AKT3: variants seen among roughly 807,000 people sequenced by gnomAD.
AKT3 encodes RAC-gamma serine/threonine-protein kinase.
In AKT3, 15 loss-of-function variants were observed where a neutral mutation model predicts 65.3. That is an observed-to-expected ratio of 0.23 (90% CI 0.15 to 0.35). The LOEUF is 0.35. Among genes scored for constraint, AKT3 ranks in the 10% least tolerant of loss-of-function variants. The probability of loss-of-function intolerance (pLI) is 1.00; values close to 1 mark genes in which losing one functional copy is unlikely to be tolerated. For synonymous variants in AKT3, 206 were observed against 183.8 expected (o/e 1.12, Z -0.98); for missense variants, 243 against 576.5 (o/e 0.42, Z 5.92).
At chr1:243,730,447 G>A (rs1687483171) in intron 2 of AKT3, among the ~76,000 whole-genome samples, 2 of 152,194 alleles carry the variant, frequency 1.3e-5, no homozygotes, top group South Asian at 4.1e-4. Context: ...CACTTTCCTG[G>A]CCAACTCACC....
intron 4 of AKT3, among the ~76,000 whole-genome samples, chr1:243,654,429 A>C (rs1382828601): frequency 2.0e-5 from 3 of 152,146 alleles, no homozygotes; most frequent in Non-Finnish European, 4.4e-5. Context: ...TATTGTGTCC[A>C]AAGAATACTA....
At chr1:243,563,216 G>T (rs982517888) in intron 10 of AKT3, among the ~76,000 whole-genome samples, 5 of 151,980 alleles carry the variant, frequency 3.3e-5, no homozygotes, top group African/African-American at 1.2e-4. Flanking sequence ...AAATTATTGT[G>T]GAACCCTTAG....
At chr1:243,605,718 A>C in intron 8 of AKT3, among the ~76,000 whole-genome samples, 1 of 152,232 alleles carries the variant, frequency 6.6e-6, no homozygotes, top group East Asian at 1.9e-4. Context: ...CACTTTCATC[A>C]AAAATTTTTA....
chr1:243,804,599 C>A (rs1430040048), intron 2 of AKT3, among the ~76,000 whole-genome samples: 1 of 152,154 alleles, frequency 6.6e-6, no homozygotes, highest in African/African-American at 2.4e-5. Context: ...GTAATCCCAG[C>A]ACTTTGGGAG....
At chr1:243,570,244 T>C (rs1313259618) in intron 9 of AKT3, among the ~76,000 whole-genome samples, 1 of 152,240 alleles carries the variant, frequency 6.6e-6, no homozygotes, top group African/African-American at 2.4e-5. Flanking sequence ...ACTGTAGGCA[T>C]AGCAATTGGA....
intron 2 of AKT3, among the ~76,000 whole-genome samples, chr1:243,762,497 C>T (rs143569368): frequency 1.3e-5 from 2 of 152,124 alleles, no homozygotes; most frequent in African/African-American, 4.8e-5. Flanking sequence ...TGTGACAGAG[C>T]GCATCATGCT....
At chr1:243,554,375 T>C (rs1334948748) in intron 10 of AKT3, among the ~76,000 whole-genome samples, 1 of 152,158 alleles carries the variant, frequency 6.6e-6, no homozygotes, top group Non-Finnish European at 1.5e-5. Context: ...CTAGAAATGT[T>C]TTGTAAATCA....
intron 4 of AKT3, among the ~76,000 whole-genome samples, chr1:243,655,112 AT>A (rs1681664633): frequency 6.6e-6 from 1 of 151,862 alleles, no homozygotes; most frequent in South Asian, 2.1e-4. Context: ...ATTCTTAATT[AT>A]TTTTATTTTC....
At chr1:243,535,626 G>C (rs1044601778) in intron 12 of AKT3, among the ~76,000 whole-genome samples, 3 of 152,098 alleles carry the variant, frequency 2.0e-5, no homozygotes, top group African/African-American at 7.2e-5. Context: ...CCACTCATTG[G>C]CTGATGAGGA....
In AKT3 at chr1:243,502,098, G is replaced by A; in HGVS notation, c.*3151C>T. The A allele has an allele frequency of 4.3e-6, 1 of 232,342 alleles. No homozygotes were observed. Among genetic ancestry groups the A allele is most frequent in the African/African-American group, 2.2e-5 (1 of 45,398 alleles). 14.4% of individuals were successfully genotyped at this position (232,342 alleles called of 1,614,324 possible). On this transcript the variant is annotated 3_prime_UTR_variant, in exon 14 of 14. Transcript: ENST00000673466. ...GGGAGGTAATTCAATTACCAATTTA[G>A]AGGTTTTCTTTTTATTTAAATAAAT...
intron 2 of AKT3, among the ~76,000 whole-genome samples, chr1:243,810,888 A>C (rs1572390249): frequency 6.6e-6 from 1 of 152,338 alleles, no homozygotes; most frequent in Non-Finnish European, 1.5e-5. Context: ...CAAATCAATA[A>C]AGTAATCCAG....
At chr1:243,796,791 ATT>A (rs1692043855) in intron 2 of AKT3, among the ~76,000 whole-genome samples, 1 of 152,164 alleles carries the variant, frequency 6.6e-6, no homozygotes, top group East Asian at 1.9e-4. Flanking sequence ...ATGGAGTGTT[ATT>A]TAGCCTTAAG....
chr1:243,781,935 AC>A (rs1278359607), intron 2 of AKT3, among the ~76,000 whole-genome samples: 1 of 152,076 alleles, frequency 6.6e-6, no homozygotes, highest in African/African-American at 2.4e-5. Context: ...CAATCCTCCT[AC>A]CTCAGCCTTC....
chr1:243,695,520 TA>T, intron 3 of AKT3, 70 bp downstream of exon 3: 1 of 1,409,110 alleles, frequency 7.1e-7, no homozygotes, highest in Non-Finnish European at 9.5e-7. Flanking sequence ...TCATATAGCC[TA>T]AGATATCTGA....
chr1:243,495,968 CAT>C (rs1212176530), downstream of AKT3, among the ~76,000 whole-genome samples: 2 of 152,138 alleles, frequency 1.3e-5, no homozygotes, highest in Admixed American at 6.5e-5. Context: ...GCTTCAGAGA[CAT>C]GTGTTAGCTT....
rs575998815 is a variant in AKT3 at position 243,624,209 on chromosome 1, T to A, written c.562-9048A>T. ...GCCTAAATGGGTATACAGTCACCAA[T>A]GGCATGAGACGGCAGCTGTACTGTG... On this transcript the variant is annotated intron_variant, in intron 6 of 13. Transcript: ENST00000673466. Among the ~76,000 whole-genome samples the A allele has an allele frequency of 2.9e-4, 44 of 152,296 alleles. 1 individual carries two copies. Among genetic ancestry groups the A allele is most frequent in the African/African-American group, 9.6e-4 (40 of 41,578 alleles).
chr1:243,684,561 T>G (rs1053571416), intron 3 of AKT3, among the ~76,000 whole-genome samples: 1 of 152,210 alleles, frequency 6.6e-6, no homozygotes, highest in Non-Finnish European at 1.5e-5. Context: ...CTATCACTGA[T>G]GGTCATTTGG....
intron 11 of AKT3, among the ~76,000 whole-genome samples, chr1:243,546,009 C>T (rs371863221): frequency 2.0e-5 from 3 of 152,204 alleles, no homozygotes; most frequent in African/African-American, 7.2e-5. Flanking sequence ...TCATCTTGAA[C>T]TGTAGCTCCC....
chr1:243,766,534 T>C (rs1229184626), intron 2 of AKT3, among the ~76,000 whole-genome samples: 5 of 152,144 alleles, frequency 3.3e-5, no homozygotes, highest in Admixed American at 1.3e-4. Flanking sequence ...GGAGTTCAAT[T>C]AACATTTAAC....
Sources: gnomAD v4.1 joint callset for allele counts (sites outside exome capture counted in the v4.1 genomes callset) on GRCh38, gnomAD v4.1.1 for gene constraint, MANE v1.5 for transcripts, NCBI Gene and HGNC (gene_info 2026-07-23, HGNC 2026-07-21) for gene names.